Variants in AOAH observed in about 807,000 individuals in gnomAD.
AOAH encodes acyloxyacyl hydrolase (neutrophil).
AOAH carries 64 observed loss-of-function variants against 92.2 expected under a neutral mutation model. The observed-to-expected ratio is 0.69, with a 90% confidence interval of 0.57 to 0.86. AOAH has a LOEUF of 0.86. Ranked by LOEUF, AOAH falls within the 40% of genes least tolerant of loss-of-function variation. The probability of loss-of-function intolerance (pLI) is 0.00; values close to 1 mark genes in which losing one functional copy is unlikely to be tolerated. For synonymous variants in AOAH, 263 were observed against 254.5 expected (o/e 1.03, Z -0.32); for missense variants, 656 against 694.6 (o/e 0.94, Z 0.62).
chr7:36,659,108 A>G (rs1795049400), intron 4 of AOAH, 58 bp downstream of exon 4: 3 of 1,432,248 alleles, frequency 2.1e-6, no homozygotes, highest in African/African-American at 2.8e-5. Flanking sequence ...CCTTTCTAAC[A>G]TTTCCAAAAG....
intron 12 of AOAH, among the ~76,000 whole-genome samples, chr7:36,580,771 T>C (rs144901562): frequency 1.1e-3 from 170 of 152,290 alleles, no homozygotes; most frequent in African/African-American, 3.9e-3. Flanking sequence ...AGATGAGCTG[T>C]CTGGGCCTTT....
chr7:36,700,365 C>T (rs140961793), intron 1 of AOAH, among the ~76,000 whole-genome samples: 34 of 152,076 alleles, frequency 2.2e-4, no homozygotes, highest in African/African-American at 7.5e-4. Context: ...TTATTCCACA[C>T]TCTATGTTCA....
intron 1 of AOAH, among the ~76,000 whole-genome samples, chr7:36,687,791 G>T (rs773185448): frequency 6.6e-6 from 1 of 152,148 alleles, no homozygotes; most frequent in East Asian, 1.9e-4. Flanking sequence ...ATTTACATAC[G>T]TGGTGTCATT....
chr7:36,583,347 G>T (rs1265147746), intron 12 of AOAH, among the ~76,000 whole-genome samples: 6 of 152,104 alleles, frequency 3.9e-5, no homozygotes, highest in African/African-American at 7.2e-5. Flanking sequence ...TTAAGAAAAG[G>T]GTGGATAACT....
intron 20 of AOAH, among the ~76,000 whole-genome samples, chr7:36,518,520 C>T (rs1274686122): frequency 6.6e-6 from 1 of 152,216 alleles, no homozygotes; most frequent in African/African-American, 2.4e-5. Context: ...GAGACACCCT[C>T]CTCCTGCCAG....
Position 36,629,645 on chromosome 7 carries a change from C to T in AOAH, c.521+2391G>A, listed in dbSNP as rs979683919. On this transcript the variant is annotated intron_variant, in intron 6 of 20. Coordinates refer to ENST00000617537, the MANE Select transcript of AOAH (RefSeq NM_001637.4). ...ATAGCTGGCTTGCAGGGGCTTATGCCAGAAGATTGGCTAGGAAGAGTTTTT... is the reference window on the plus strand; with the variant it reads ...ATAGCTGGCTTGCAGGGGCTTATGCTAGAAGATTGGCTAGGAAGAGTTTTT... Among the ~76,000 whole-genome samples the T allele has an allele frequency of 6.6e-5, 10 of 152,178 alleles. No homozygotes were observed. The South Asian group carries it at 1.0e-3, about 16-fold the overall frequency.
At chr7:36,557,917 G>C (rs1379981644) in intron 13 of AOAH, among the ~76,000 whole-genome samples, 4 of 151,888 alleles carry the variant, frequency 2.6e-5, no homozygotes, top group Non-Finnish European at 1.5e-5. Flanking sequence ...CAACTTCTTT[G>C]CCTTTGGTTT....
At chr7:36,515,791 C>A (rs1459008953) in intron 20 of AOAH, among the ~76,000 whole-genome samples, 13 of 130,054 alleles carry the variant, frequency 1.0e-4, no homozygotes, top group African/African-American at 3.8e-4. Context: ...ACATCACACA[C>A]ACACCCCCAC....
At chr7:36,703,474 C>T (rs1798163036) in intron 1 of AOAH, among the ~76,000 whole-genome samples, 1 of 152,128 alleles carries the variant, frequency 6.6e-6, no homozygotes, top group South Asian at 2.1e-4. Flanking sequence ...ATACACGTGC[C>T]ATGGTGATTT....
intron 4 of AOAH, among the ~76,000 whole-genome samples, chr7:36,650,814 C>G (rs181619917): frequency 6.6e-6 from 1 of 152,070 alleles, no homozygotes. Context: ...CTATGCCAGT[C>G]CAGGAATAAG....
chr7:36,602,885 T>C (rs1562610966), intron 11 of AOAH, among the ~76,000 whole-genome samples: 1 of 152,204 alleles, frequency 6.6e-6, no homozygotes, highest in Non-Finnish European at 1.5e-5. Context: ...ACCGTGATCA[T>C]AAATGATGAT....
intron 6 of AOAH, among the ~76,000 whole-genome samples, chr7:36,630,345 G>A (rs1792985871): frequency 6.6e-6 from 1 of 152,262 alleles, no homozygotes; most frequent in Admixed American, 6.5e-5. Flanking sequence ...ACAAGGCTGA[G>A]CTAGCACAGG....
chr7:36,646,066 T>C (rs1299043386), intron 4 of AOAH, among the ~76,000 whole-genome samples: 24 of 152,220 alleles, frequency 1.6e-4, no homozygotes, highest in Admixed American at 1.5e-3. Flanking sequence ...TTATTATTCA[T>C]TGATTTTACC....
intron 1 of AOAH, among the ~76,000 whole-genome samples, chr7:36,723,065 A>G (rs1294793299): frequency 6.6e-6 from 1 of 152,114 alleles, no homozygotes; most frequent in Non-Finnish European, 1.5e-5. Context: ...TTGTCTCCAG[A>G]AACAATTCCT....
intron 4 of AOAH, among the ~76,000 whole-genome samples, chr7:36,641,460 A>G (rs1024184299): frequency 6.6e-6 from 1 of 152,152 alleles, no homozygotes; most frequent in African/African-American, 2.4e-5. Flanking sequence ...CATCTTCAAT[A>G]ACATTGAGCC....
intron 11 of AOAH, among the ~76,000 whole-genome samples, chr7:36,595,657 T>C (rs1024092798): frequency 2.0e-5 from 3 of 152,264 alleles, no homozygotes; most frequent in Non-Finnish European, 2.9e-5. Context: ...AACATACTTA[T>C]ACTTGAAAAA....
intron 13 of AOAH, among the ~76,000 whole-genome samples, chr7:36,561,520 A>C (rs1787265754): frequency 6.6e-6 from 1 of 152,190 alleles, no homozygotes; most frequent in South Asian, 2.1e-4. Context: ...TCCAGAGGAC[A>C]GAAGAGAAGG....
chr7:36,692,587 A>T (rs1180229572), intron 1 of AOAH, among the ~76,000 whole-genome samples: 1 of 152,200 alleles, frequency 6.6e-6, no homozygotes, highest in Non-Finnish European at 1.5e-5. Flanking sequence ...AAGTGAGCAA[A>T]GCCCAAGCAA....
At chr7:36,688,891 G>GTA in intron 1 of AOAH, among the ~76,000 whole-genome samples, 1 of 151,848 alleles carries the variant, frequency 6.6e-6, no homozygotes, top group Non-Finnish European at 1.5e-5. Context: ...GGGTATACTT[G>GTA]TGTGTATATA....
Sources: allele counts gnomAD v4.1 joint callset (sites outside exome capture counted in the v4.1 genomes callset), GRCh38; gene constraint gnomAD v4.1.1; transcripts MANE v1.5; gene names NCBI Gene and HGNC (gene_info 2026-07-23, HGNC 2026-07-21).